PPP1R12A: variants seen among roughly 807,000 people sequenced by gnomAD.
The protein encoded by PPP1R12A is myosin binding subunit.
In PPP1R12A, 19 loss-of-function variants were observed where a neutral mutation model predicts 139.6. The ratio of observed to expected loss-of-function variants is 0.14; its 90% CI spans 0.09 to 0.20. PPP1R12A has a LOEUF of 0.20. Among genes scored for constraint, PPP1R12A ranks in the 10% least tolerant of loss-of-function variants. The pLI, the probability that PPP1R12A is intolerant of heterozygous loss-of-function variation, is 1.00. For missense variants in PPP1R12A, 925 were observed against 1,211.5 expected (o/e 0.76, Z 3.51); for synonymous variants, 427 against 420.6 (o/e 1.02, Z -0.19).
chr12:79,918,590 C>T (rs893999596), intron 1 of PPP1R12A, among the ~76,000 whole-genome samples: 1 of 152,174 alleles, frequency 6.6e-6, no homozygotes, highest in East Asian at 1.9e-4. Flanking sequence ...CAATCCACCT[C>T]CAATTCCTAC....
intron 2 of PPP1R12A, among the ~76,000 whole-genome samples, chr12:79,846,792 A>C (rs1879466501): frequency 6.6e-6 from 1 of 151,964 alleles, no homozygotes. Context: ...GAGAAAAGAT[A>C]ATGTACAGCC....
chr12:79,842,494 T>C (rs1200649542), intron 3 of PPP1R12A, among the ~76,000 whole-genome samples: 2 of 152,084 alleles, frequency 1.3e-5, no homozygotes, highest in Non-Finnish European at 2.9e-5. Flanking sequence ...CCTCTATCAT[T>C]TGACCTCAGT....
At chr12:79,911,461 G>T (rs1886555525) in intron 1 of PPP1R12A, among the ~76,000 whole-genome samples, 2 of 152,132 alleles carry the variant, frequency 1.3e-5, no homozygotes, top group East Asian at 1.9e-4. Flanking sequence ...GAGGGTGGGA[G>T]AAGGGAGAAG....
At chr12:79,816,607 C>T (rs190741506) in intron 9 of PPP1R12A, among the ~76,000 whole-genome samples, 1 of 152,018 alleles carries the variant, frequency 6.6e-6, no homozygotes, top group Non-Finnish European at 1.5e-5. Context: ...GATTAACACA[C>T]TAACTGGAAA....
intron 1 of PPP1R12A, among the ~76,000 whole-genome samples, chr12:79,908,158 A>G (rs929230050): frequency 6.6e-6 from 1 of 152,186 alleles, no homozygotes; most frequent in Non-Finnish European, 1.5e-5. Context: ...TTCTTTAAAC[A>G]ATGTTAACTC....
chr12:79,820,430 G>A (rs1008293835), intron 8 of PPP1R12A, among the ~76,000 whole-genome samples: 7 of 152,176 alleles, frequency 4.6e-5, no homozygotes, highest in East Asian at 3.9e-4. Flanking sequence ...TGTTGGGACC[G>A]GCATCCTGGA....
chr12:79,828,059 C>G (rs929833483), intron 5 of PPP1R12A: 1 of 237,396 alleles, frequency 4.2e-6, no homozygotes, highest in African/African-American at 2.3e-5. Context: ...CAAATCTACT[C>G]TACATGTATG....
chr12:79,812,391 CGTGTGTGTGT>C (rs1156924649), intron 9 of PPP1R12A, among the ~76,000 whole-genome samples: 5 of 134,608 alleles, frequency 3.7e-5, no homozygotes, highest in Non-Finnish European at 7.8e-5. Flanking sequence ...TCTGTGTGTG[CGTGTGTGTGT>C]GTGTGTGTGT....
At chr12:79,884,560 G>A (rs920066656) in intron 1 of PPP1R12A, among the ~76,000 whole-genome samples, 1 of 152,054 alleles carries the variant, frequency 6.6e-6, no homozygotes, top group Non-Finnish European at 1.5e-5. Flanking sequence ...AAATATTGTT[G>A]CTAGGAGAAT....
At chr12:79,903,962 G>A (rs1376660052) in intron 1 of PPP1R12A, among the ~76,000 whole-genome samples, 2 of 152,068 alleles carry the variant, frequency 1.3e-5, no homozygotes, top group Non-Finnish European at 2.9e-5. Context: ...AATCAAGAAA[G>A]TTTACTTTTA....
intron 1 of PPP1R12A, among the ~76,000 whole-genome samples, chr12:79,919,437 C>G (rs960904713): frequency 6.6e-6 from 1 of 151,738 alleles, no homozygotes; most frequent in Non-Finnish European, 1.5e-5. Context: ...TGCCTGTAAT[C>G]TCAGCTACTC....
At chr12:79,885,153 A>G (rs1226135275) in intron 1 of PPP1R12A, among the ~76,000 whole-genome samples, 2 of 152,186 alleles carry the variant, frequency 1.3e-5, no homozygotes, top group East Asian at 3.9e-4. Flanking sequence ...TACAAACTCT[A>G]GAGCCAGACT....
At chr12:79,885,869 G>GT (rs1884058024) in intron 1 of PPP1R12A, among the ~76,000 whole-genome samples, 1 of 151,892 alleles carries the variant, frequency 6.6e-6, no homozygotes, top group Non-Finnish European at 1.5e-5. Context: ...TTTTTTGTTT[G>GT]TTTTTTGTTA....
At chr12:79,897,443 T>G (rs773926601) in intron 1 of PPP1R12A, among the ~76,000 whole-genome samples, 5 of 152,114 alleles carry the variant, frequency 3.3e-5, no homozygotes, top group Non-Finnish European at 7.4e-5. Context: ...TTGGGTACTT[T>G]GCTCAGTACC....
chr12:79,867,135 C>A (rs1433619655), intron 2 of PPP1R12A, among the ~76,000 whole-genome samples: 1 of 152,134 alleles, frequency 6.6e-6, no homozygotes, highest in Non-Finnish European at 1.5e-5. Context: ...GAATATTGTG[C>A]AGCCATAAAA....
intron 8 of PPP1R12A, among the ~76,000 whole-genome samples, chr12:79,820,211 A>T (rs1168150106): frequency 2.6e-5 from 4 of 152,226 alleles, no homozygotes; most frequent in Non-Finnish European, 5.9e-5. Context: ...ATAATGTTTT[A>T]ACTTCATTTA....
At chr12:79,798,050 A>G (rs1016524319) in intron 15 of PPP1R12A, among the ~76,000 whole-genome samples, 2 of 152,146 alleles carry the variant, frequency 1.3e-5, no homozygotes, top group African/African-American at 4.8e-5. Context: ...CTTGCATATT[A>G]GTTGTTTATA....
intron 3 of PPP1R12A, among the ~76,000 whole-genome samples, chr12:79,842,485 C>G (rs931005214): frequency 6.6e-6 from 1 of 151,946 alleles, no homozygotes; most frequent in African/African-American, 2.4e-5. Flanking sequence ...CATACCATTC[C>G]TCTATCATTT....
chr12:79,897,587 AAAC>A (rs1312983614), intron 1 of PPP1R12A, among the ~76,000 whole-genome samples: 7 of 152,208 alleles, frequency 4.6e-5, no homozygotes, highest in African/African-American at 7.2e-5. Flanking sequence ...AAAAGAAAAA[AAAC>A]AACAAGCCTC....
Sources: allele counts gnomAD v4.1 joint callset (sites outside exome capture counted in the v4.1 genomes callset), GRCh38; gene constraint gnomAD v4.1.1; transcripts MANE v1.5; gene names NCBI Gene and HGNC (gene_info 2026-07-23, HGNC 2026-07-21).